The following NAV2 variants were observed in gnomAD, a reference collection of about 807,000 sequenced individuals.
NAV2 encodes helicase, APC down-regulated 1.
In NAV2, 54 loss-of-function variants were observed where a neutral mutation model predicts 223.2. The observed-to-expected ratio is 0.24, with a 90% CI of 0.19 to 0.30. NAV2 has a LOEUF of 0.30. Ranked by LOEUF, NAV2 falls within the 10% of genes least tolerant of loss-of-function variation. NAV2 has a pLI of 1.00. For missense variants in NAV2, 2,806 were observed against 3,147.5 expected, an observed-to-expected ratio of 0.89 and a Z score of 2.60; for synonymous variants, 1,279 against 1,239.3, an observed-to-expected ratio of 1.03 and a Z score of -0.67.
intron 14 of NAV2, among the ~76,000 whole-genome samples, chr11:20,048,256 A>G (rs2057652654): frequency 6.6e-6 from 1 of 152,120 alleles, no homozygotes; most frequent in Admixed American, 6.5e-5. Flanking sequence ...TCTTGATTCT[A>G]TGTATTGTGC....
intron 1 of NAV2, among the ~76,000 whole-genome samples, chr11:19,547,781 G>T (rs1420758976): frequency 1.3e-5 from 2 of 152,096 alleles, no homozygotes; most frequent in African/African-American, 4.8e-5. Flanking sequence ...TAGAATAGTG[G>T]TAATAATAAT....
At chr11:20,010,075 G>A (rs1033998063) in intron 11 of NAV2, among the ~76,000 whole-genome samples, 4 of 152,168 alleles carry the variant, frequency 2.6e-5, no homozygotes, top group African/African-American at 4.8e-5. Context: ...GCCACATGAG[G>A]AAACTGCTCA....
chr11:19,521,272 G>C (rs1009505101), intron 1 of NAV2, among the ~76,000 whole-genome samples: 1 of 152,062 alleles, frequency 6.6e-6, no homozygotes, highest in African/African-American at 2.4e-5. Context: ...GAGGGTGAGG[G>C]GGCTGTGAGG....
intron 31 of NAV2, among the ~76,000 whole-genome samples, chr11:20,099,453 A>C (rs1432129775): frequency 1.3e-5 from 2 of 152,220 alleles, no homozygotes; most frequent in African/African-American, 4.8e-5. Flanking sequence ...GCCTCTCTAG[A>C]AAGTAACAAG....
chr11:19,466,744 T>G (rs1332076973), intron 1 of NAV2, among the ~76,000 whole-genome samples: 1 of 152,158 alleles, frequency 6.6e-6, no homozygotes, highest in Non-Finnish European at 1.5e-5. Flanking sequence ...AAGGGTGGTG[T>G]GCAGGGACAG....
intron 1 of NAV2, among the ~76,000 whole-genome samples, chr11:19,508,174 T>C (rs2043178208): frequency 6.6e-6 from 1 of 152,194 alleles, no homozygotes; most frequent in South Asian, 2.1e-4. Context: ...CCTTGCTCTG[T>C]CTCAGGGGTT....
At chr11:19,647,993 T>A (rs909130751) in intron 1 of NAV2, among the ~76,000 whole-genome samples, 6 of 152,218 alleles carry the variant, frequency 3.9e-5, no homozygotes, top group Non-Finnish European at 8.8e-5. Context: ...GTAGCTTCCC[T>A]ACATTGATGT....
chr11:19,442,909 C>T (rs188572272), intron 1 of NAV2, among the ~76,000 whole-genome samples: 1 of 152,302 alleles, frequency 6.6e-6, no homozygotes, highest in East Asian at 1.9e-4. Context: ...TCAGCTGCCC[C>T]TTCCACCATC....
At chr11:20,002,659 TG>T (rs1242442451) in intron 11 of NAV2, among the ~76,000 whole-genome samples, 1 of 152,136 alleles carries the variant, frequency 6.6e-6, no homozygotes, top group Non-Finnish European at 1.5e-5. Flanking sequence ...TTTTGTTCTC[TG>T]GGAAATCCTA....
intron 1 of NAV2, among the ~76,000 whole-genome samples, chr11:19,805,622 C>T (rs2058514881): frequency 6.6e-6 from 1 of 152,246 alleles, no homozygotes; most frequent in Non-Finnish European, 1.5e-5. Flanking sequence ...TGAACTGTCA[C>T]TGACATTAAA....
chr11:19,428,084 C>T (rs532182852), intron 1 of NAV2, among the ~76,000 whole-genome samples: 1 of 152,172 alleles, frequency 6.6e-6, no homozygotes, highest in East Asian at 1.9e-4. Context: ...TAAAAGGATT[C>T]TCCAATGATT....
intron 1 of NAV2, among the ~76,000 whole-genome samples, chr11:19,660,275 C>T (rs534038621): frequency 6.6e-6 from 1 of 152,166 alleles, no homozygotes; most frequent in Non-Finnish European, 1.5e-5. Flanking sequence ...AGGGGCTGCC[C>T]CAGCAGGGCT....
At chr11:19,485,147 G>C (rs988692011) in intron 1 of NAV2, among the ~76,000 whole-genome samples, 1 of 152,192 alleles carries the variant, frequency 6.6e-6, no homozygotes, top group African/African-American at 2.4e-5. Flanking sequence ...ATAGTGCAAA[G>C]GTCCTTATCT....
At chr11:19,546,655 C>T (rs1008469753) in intron 1 of NAV2, among the ~76,000 whole-genome samples, 6 of 152,218 alleles carry the variant, frequency 3.9e-5, no homozygotes, top group Non-Finnish European at 8.8e-5. Flanking sequence ...ATTATTTAAA[C>T]TGCCTTGGGG....
At chr11:19,883,591 C>A (rs1427676408) in intron 5 of NAV2, among the ~76,000 whole-genome samples, 2 of 152,162 alleles carry the variant, frequency 1.3e-5, no homozygotes, top group African/African-American at 4.8e-5. Context: ...ACTAGTAAAA[C>A]CAATAAATTA....
At chr11:19,414,099 G>T (rs1850261448) in intron 1 of NAV2, among the ~76,000 whole-genome samples, 1 of 152,124 alleles carries the variant, frequency 6.6e-6, no homozygotes, top group African/African-American at 2.4e-5. Context: ...TGGGCTAAAT[G>T]CCCCATTTAA....
In NAV2 at chr11:19,990,531, C is replaced by A. The variant is rs561421615; in HGVS notation, c.2768+6284C>A. 1.1e-3 allele frequency among the ~76,000 whole-genome samples: 173 copies of A among 152,220 alleles called. 1 individual carries two copies. The highest frequency in any genetic ancestry group is 4.0e-3 in the African/African-American group (165 of 41,542). ...ACCCTAAAATACCTTCCCCCTCCCC[C>A]CATTACCTCCCCTCTCTACTTGTTA... On this transcript the variant is annotated intron_variant, in intron 11 of 37. Transcript: ENST00000349880.
chr11:19,558,222 G>A (rs7110382), intron 1 of NAV2, among the ~76,000 whole-genome samples: 3,820 of 152,244 alleles, frequency 0.025, 169 homozygotes, highest in African/African-American at 0.087. Context: ...AAACCAAGCC[G>A]AAACAACTAC....
intron 1 of NAV2, among the ~76,000 whole-genome samples, chr11:19,809,533 A>G (rs2058748768): frequency 6.6e-6 from 1 of 152,224 alleles, no homozygotes; most frequent in Non-Finnish European, 1.5e-5. Context: ...ATATTCACAT[A>G]TTAGTTAGTG....
Sources: allele counts gnomAD v4.1 joint callset (sites outside exome capture counted in the v4.1 genomes callset), GRCh38; gene constraint gnomAD v4.1.1; transcripts MANE v1.5; gene names NCBI Gene and HGNC (gene_info 2026-07-23, HGNC 2026-07-21).